DOCK5: variants seen among roughly 807,000 people sequenced by gnomAD.
The protein encoded by DOCK5 is dedicator of cytokinesis protein 5.
A neutral mutation model predicts 251.8 loss-of-function variants in DOCK5; 142 were observed. The observed-to-expected ratio is 0.56, with a 90% CI of 0.49 to 0.65. DOCK5 has a LOEUF of 0.65. DOCK5 is among the 30% of genes least tolerant of loss of function. The probability of loss-of-function intolerance (pLI) is 0.00; values close to 1 mark genes in which losing one functional copy is unlikely to be tolerated. For synonymous variants in DOCK5, 842 were observed against 835.5 expected (o/e 1.01, Z -0.13); for missense variants, 2,111 against 2,312.3 (o/e 0.91, Z 1.79).
At chr8:25,296,749 T>C in intron 7 of DOCK5, 101 bp downstream of exon 7, 2 of 1,451,652 alleles carry the variant, frequency 1.4e-6, no homozygotes, top group East Asian at 2.4e-5. Context: ...ACTACTTCTG[T>C]AGTTTTCGTC....
At chr8:25,263,823 A>T (rs923662248) in intron 2 of DOCK5, among the ~76,000 whole-genome samples, 3 of 151,516 alleles carry the variant, frequency 2.0e-5, no homozygotes, top group Non-Finnish European at 4.4e-5. Context: ...TGCCCAGGTC[A>T]CTCTGCTCCA....
chr8:25,403,605 G>A lies in DOCK5; in HGVS notation c.4974G>A (p.Val1658=). 1 of 1,613,874 alleles carries A rather than the reference G, an allele frequency of 6.2e-7. No homozygotes were observed. The highest frequency in any genetic ancestry group is 8.5e-7 in the Non-Finnish European group (1 of 1,179,852). Residue 1658 remains valine, a synonymous_variant, in exon 48 of 52, where the codon GTG becomes GTA. Transcript: ENST00000276440. The stretch of plus-strand genomic sequence containing the variant: ...AGCAAAGCCGCACGGGGTCTATTGT[G>A]CTCCCCTACATCATGTCTTCCACTC... ...ERKQSRTGSI[V]LPYIMSSTLR...
intron 26 of DOCK5, among the ~76,000 whole-genome samples, chr8:25,349,992 T>C (rs1800437417): frequency 6.6e-6 from 1 of 152,144 alleles, no homozygotes; most frequent in South Asian, 2.1e-4. Flanking sequence ...AAAGTTAGAC[T>C]CCTAGAAGCA....
At chr8:25,186,278 T>G (rs993738768) in intron 1 of DOCK5, among the ~76,000 whole-genome samples, 19 of 152,118 alleles carry the variant, frequency 1.2e-4, no homozygotes, top group African/African-American at 4.6e-4. Flanking sequence ...CTTAAGTTGC[T>G]TTTAGAATCT....
At chr8:25,309,653 A>G (rs542976715) in intron 12 of DOCK5, among the ~76,000 whole-genome samples, 63 of 152,308 alleles carry the variant, frequency 4.1e-4, no homozygotes, top group African/African-American at 1.5e-3. Context: ...AGTTTTTAGT[A>G]TCTCCATATC....
At chr8:25,391,800 CA>C in intron 42 of DOCK5, 95 bp from the exon 43 acceptor site, 1 of 1,067,282 alleles carries the variant, frequency 9.4e-7, no homozygotes, top group Non-Finnish European at 1.4e-6. Flanking sequence ...GGGTAAAACT[CA>C]GACCAGGCAG....
chr8:25,294,004 A>T (rs942711898), intron 6 of DOCK5, among the ~76,000 whole-genome samples: 2 of 152,230 alleles, frequency 1.3e-5, no homozygotes, highest in Non-Finnish European at 2.9e-5. Context: ...AATCCCTCTC[A>T]AATTAATTAA....
At chr8:25,232,018 A>G (rs141933970) in intron 1 of DOCK5, among the ~76,000 whole-genome samples, 1 of 152,148 alleles carries the variant, frequency 6.6e-6, no homozygotes, top group Non-Finnish European at 1.5e-5. Context: ...ATATTTTGAG[A>G]GTTCCTAAGT....
chr8:25,372,378 A>C (rs1205972309), intron 34 of DOCK5, among the ~76,000 whole-genome samples, 181 bp from the exon 35 acceptor site: 1 of 152,222 alleles, frequency 6.6e-6, no homozygotes, highest in East Asian at 1.9e-4. Context: ...GTCACAGGAT[A>C]GGAAGGTGTT....
At chr8:25,288,530 G>A (rs1425397853) in intron 5 of DOCK5, among the ~76,000 whole-genome samples, 2 of 152,172 alleles carry the variant, frequency 1.3e-5, no homozygotes, top group East Asian at 3.9e-4. Flanking sequence ...CTAAGAACTT[G>A]TGCACATGTA....
At chr8:25,339,095 C>A (rs1454564275) in intron 22 of DOCK5, among the ~76,000 whole-genome samples, 1 of 152,032 alleles carries the variant, frequency 6.6e-6, no homozygotes, top group African/African-American at 2.4e-5. Context: ...CAATGTGCGT[C>A]CCCTGGTTGC....
chr8:25,365,361 C>T (rs538991415), intron 30 of DOCK5, among the ~76,000 whole-genome samples: 12 of 152,232 alleles, frequency 7.9e-5, no homozygotes, highest in South Asian at 4.1e-4. Flanking sequence ...TTTGTCTTTG[C>T]GTGTATCTGT....
chr8:25,407,293 C>G (rs1801539370), intron 48 of DOCK5, among the ~76,000 whole-genome samples: 1 of 151,966 alleles, frequency 6.6e-6, no homozygotes, highest in Non-Finnish European at 1.5e-5. Flanking sequence ...TTACTACATT[C>G]TAGTAGTATG....
intron 1 of DOCK5, among the ~76,000 whole-genome samples, chr8:25,217,090 G>A (rs1203758840): frequency 2.0e-5 from 3 of 147,720 alleles, no homozygotes; most frequent in East Asian, 3.9e-4. Flanking sequence ...TATAATATGT[G>A]TATATATACA....
intron 1 of DOCK5, among the ~76,000 whole-genome samples, chr8:25,209,834 C>T (rs146546838): frequency 0.017 from 1,104 of 65,908 alleles, 312 homozygotes; most frequent in African/African-American, 0.036. Flanking sequence ...GTGCAGAAGG[C>T]GCAAGCAACA....
At chr8:25,252,385 G>A (rs1045280251) in intron 2 of DOCK5, among the ~76,000 whole-genome samples, 5 of 152,150 alleles carry the variant, frequency 3.3e-5, no homozygotes, top group African/African-American at 7.2e-5. Context: ...TTTGTTACCC[G>A]CTAATTAAAA....
intron 37 of DOCK5, chr8:25,374,969 G>A (rs1366241032): frequency 3.4e-6 from 4 of 1,193,678 alleles, no homozygotes; most frequent in East Asian, 5.4e-5. Flanking sequence ...GCAGAAAACT[G>A]CAGAAAGATG....
chr8:25,311,304 G>T (rs1805089196), intron 13 of DOCK5, among the ~76,000 whole-genome samples: 1 of 152,092 alleles, frequency 6.6e-6, no homozygotes, highest in Non-Finnish European at 1.5e-5. Context: ...AGCACTTTGG[G>T]AGGCTGAGGT....
intron 1 of DOCK5, among the ~76,000 whole-genome samples, chr8:25,226,545 G>A (rs1398204293): frequency 2.0e-5 from 3 of 151,556 alleles, no homozygotes; most frequent in Non-Finnish European, 4.4e-5. Flanking sequence ...AAGCCACCAT[G>A]CCTGACGTTA....
Sources: gnomAD v4.1 joint callset for allele counts (sites outside exome capture counted in the v4.1 genomes callset) on GRCh38, gnomAD v4.1.1 for gene constraint, MANE v1.5 for transcripts, NCBI Gene and HGNC (gene_info 2026-07-23, HGNC 2026-07-21) for gene names.